Variants in METTL25 observed in about 807,000 individuals in gnomAD.
The protein encoded by METTL25 is methyltransferase like 25.
Under a neutral mutation model 71.6 loss-of-function variants are expected in METTL25, and 64 were observed. The observed-to-expected ratio is 0.89, with a 90% CI of 0.73 to 1.10. The LOEUF (loss-of-function observed/expected upper bound fraction) is 1.10, where lower values mean the gene tolerates loss of function less well. METTL25 is among the 50% of genes least tolerant of loss of function. METTL25 has a pLI of 0.00. For missense variants in METTL25, 807 were observed against 707.0 expected (o/e 1.14, Z -1.60); for synonymous variants, 287 against 250.3 (o/e 1.15, Z -1.38).
intron 9 of METTL25, among the ~76,000 whole-genome samples, chr12:82,473,813 T>G (rs1416978736): frequency 1.3e-5 from 2 of 151,944 alleles, no homozygotes; most frequent in Non-Finnish European, 2.9e-5. Context: ...TGGAAGTGAG[T>G]TGGTTTCTCT....
intron 8 of METTL25, among the ~76,000 whole-genome samples, chr12:82,449,724 G>A (rs908666930): frequency 6.6e-6 from 1 of 151,938 alleles, no homozygotes; most frequent in Non-Finnish European, 1.5e-5. Flanking sequence ...TACCTTCTGA[G>A]CTCCTTGATG....
chr12:82,422,132 A>G (rs1386558023), intron 5 of METTL25, among the ~76,000 whole-genome samples: 2 of 152,278 alleles, frequency 1.3e-5, no homozygotes, highest in South Asian at 2.1e-4. Flanking sequence ...GATGAACATC[A>G]ATGCAAAAAT....
chr12:82,403,171 C>A (rs1348700923), intron 5 of METTL25, 41 bp downstream of exon 5: 1 of 1,558,688 alleles, frequency 6.4e-7, no homozygotes, highest in South Asian at 1.2e-5. Context: ...TTCATTTGAG[C>A]ATAATGAAAT....
intron 8 of METTL25, among the ~76,000 whole-genome samples, chr12:82,443,762 G>A (rs182954769): frequency 6.6e-6 from 1 of 152,206 alleles, no homozygotes; most frequent in East Asian, 1.9e-4. Flanking sequence ...GCAAAACAGA[G>A]GGGAGGTGCC....
At chr12:82,433,227 C>A (rs1221712056) in intron 6 of METTL25, among the ~76,000 whole-genome samples, 2 of 151,436 alleles carry the variant, frequency 1.3e-5, no homozygotes, top group African/African-American at 4.8e-5. Context: ...TTATGGACAC[C>A]AAATCGCCTC....
chr12:82,450,090 A>C (rs1891033207), intron 8 of METTL25, among the ~76,000 whole-genome samples: 1 of 152,120 alleles, frequency 6.6e-6, no homozygotes, highest in African/African-American at 2.4e-5. Flanking sequence ...TATTCTAGGG[A>C]AAGACTCAGA....
intron 5 of METTL25, among the ~76,000 whole-genome samples, chr12:82,410,594 ATT>A (rs746358091): frequency 1.3e-5 from 2 of 152,074 alleles, no homozygotes; most frequent in African/African-American, 2.4e-5. Context: ...TAGAACACGT[ATT>A]TTTTTAGGCA....
At chr12:82,460,094 T>C (rs1891762584) in intron 9 of METTL25, among the ~76,000 whole-genome samples, 1 of 152,204 alleles carries the variant, frequency 6.6e-6, no homozygotes, top group Non-Finnish European at 1.5e-5. Context: ...ACTACCTCAG[T>C]TGTTAACCCA....
intron 8 of METTL25, among the ~76,000 whole-genome samples, chr12:82,445,323 AAC>A (rs758243871): frequency 1.1e-4 from 16 of 152,200 alleles, no homozygotes; most frequent in African/African-American, 2.9e-4. Flanking sequence ...CATGCACACA[AAC>A]ACAGACAATA....
At chr12:82,416,122 T>C (rs1426281421) in intron 5 of METTL25, among the ~76,000 whole-genome samples, 1 of 152,148 alleles carries the variant, frequency 6.6e-6, no homozygotes, top group Non-Finnish European at 1.5e-5. Context: ...ATGGAATGAA[T>C]TAGTTAATTG....
intron 1 of METTL25, among the ~76,000 whole-genome samples, chr12:82,381,857 C>CA (rs1228391114): frequency 6.6e-6 from 1 of 152,174 alleles, no homozygotes; most frequent in African/African-American, 2.4e-5. Flanking sequence ...CATTGTCTAT[C>CA]AGAGTTTTAT....
chr12:82,440,187 T>G (rs1890214749), intron 8 of METTL25, among the ~76,000 whole-genome samples: 1 of 152,006 alleles, frequency 6.6e-6, no homozygotes, highest in Non-Finnish European at 1.5e-5. Flanking sequence ...CCTAGTTATA[T>G]CTAGCCATTC....
At chr12:82,437,722 G>A (rs1040409721) in intron 7 of METTL25, among the ~76,000 whole-genome samples, 2 of 151,634 alleles carry the variant, frequency 1.3e-5, no homozygotes, top group African/African-American at 4.8e-5. Context: ...GGATATACAC[G>A]TTTTACTGAA....
intron 5 of METTL25, among the ~76,000 whole-genome samples, chr12:82,420,329 A>G (rs1415223354): frequency 6.6e-6 from 1 of 152,302 alleles, no homozygotes; most frequent in South Asian, 2.1e-4. Context: ...AAAAGGGTGT[A>G]TCTTATATTA....
chr12:82,419,161 GA>G (rs1325083523), intron 5 of METTL25, among the ~76,000 whole-genome samples: 1 of 151,852 alleles, frequency 6.6e-6, no homozygotes, highest in Non-Finnish European at 1.5e-5. Context: ...GTATCTTCCT[GA>G]AAAAATTTTC....
At chr12:82,419,693 T>A (rs377051195) in intron 5 of METTL25, among the ~76,000 whole-genome samples, 8 of 145,242 alleles carry the variant, frequency 5.5e-5, no homozygotes, top group African/African-American at 7.6e-5. Flanking sequence ...TGACTGCTAT[T>A]AAAAAAAAAA....
chr12:82,458,960 A>C (rs1255046465), intron 9 of METTL25, among the ~76,000 whole-genome samples: 3 of 152,224 alleles, frequency 2.0e-5, no homozygotes, highest in African/African-American at 7.2e-5. Context: ...TCACTAAAAG[A>C]CTGAGACATA....
intron 1 of METTL25, among the ~76,000 whole-genome samples, chr12:82,378,045 G>T (rs1234447716): frequency 1.3e-5 from 2 of 151,966 alleles, no homozygotes; most frequent in East Asian, 1.9e-4. Flanking sequence ...TTCTTGTTAA[G>T]AAATATTCCA....
chr12:82,400,576 CTTTAG>C (rs1256357294), intron 4 of METTL25, among the ~76,000 whole-genome samples: 12 of 17,878 alleles, frequency 6.7e-4, no homozygotes, highest in Admixed American at 3.6e-3. Flanking sequence ...ATCTCAATGA[CTTTAG>C]TTTAACTTAA....
Sources: gnomAD v4.1 joint callset for allele counts (sites outside exome capture counted in the v4.1 genomes callset) on GRCh38, gnomAD v4.1.1 for gene constraint, MANE v1.5 for transcripts, NCBI Gene and HGNC (gene_info 2026-07-23, HGNC 2026-07-21) for gene names.